The following PAPPA2 variants were observed in gnomAD, a reference collection of about 807,000 sequenced individuals.
PAPPA2 encodes pappalysin-2.
Under a neutral mutation model 176.4 loss-of-function variants are expected in PAPPA2, and 86 were observed. The ratio of observed to expected loss-of-function variants is 0.49; its 90% CI spans 0.41 to 0.58. The LOEUF is 0.58. Among genes scored for constraint, PAPPA2 ranks in the 20% least tolerant of loss-of-function variants. The probability of loss-of-function intolerance (pLI) is 0.00; values close to 1 mark genes in which losing one functional copy is unlikely to be tolerated. For synonymous variants in PAPPA2, 809 were observed against 852.2 expected, an observed-to-expected ratio of 0.95 and a Z score of 0.88; for missense variants, 2,073 against 2,256.9, an observed-to-expected ratio of 0.92 and a Z score of 1.65.
intron 10 of PAPPA2, among the ~76,000 whole-genome samples, chr1:176,708,090 G>A (rs181533085): frequency 4.6e-5 from 7 of 152,206 alleles, no homozygotes; most frequent in Non-Finnish European, 7.4e-5. Context: ...CATAGTGGTC[G>A]CATATTAAAT....
rs552519798 is a variant in PAPPA2, at chr1:176,531,218, C to T, written c.-916-24189C>T. On this transcript the variant is annotated intron_variant, in intron 1 of 22. Coordinates refer to ENST00000367662, the MANE Select transcript of PAPPA2 (RefSeq NM_020318.3). ...ATCCAACTTGGATTCTGCCTGTTTC[C>T]AGTAGCTCTTCATTAATGTTGATGT... 2.0e-5 allele frequency among the ~76,000 whole-genome samples: 3 copies of T among 152,308 alleles called. No homozygotes were observed. In the South Asian group the frequency reaches 6.2e-4, roughly 32 times the overall value.
At position 176,557,009 on chromosome 1, in the gene PAPPA2, C is replaced by T; in HGVS notation, c.687C>T (p.His229=). The T allele has an allele frequency of 6.2e-7, 1 of 1,614,020 alleles. No homozygotes were observed. Among genetic ancestry groups the T allele is most frequent in the East Asian group, 2.2e-5 (1 of 44,858 alleles). The change falls in exon 2 of 23, where the codon CAC becomes CAT. Residue 229 remains histidine, a synonymous_variant. Transcript: ENST00000367662. ...CTTGGCCCAAGCATTCCCTTAAACA[C>T]AGGGTCAAAAAGAGTCCACCGGAGG... ...FQPWPKHSLK[H]RVKKSPPEES...
chr1:176,551,431 G>A (rs534346736), intron 1 of PAPPA2, among the ~76,000 whole-genome samples: 10 of 152,218 alleles, frequency 6.6e-5, no homozygotes, highest in African/African-American at 2.4e-4. Context: ...TTCCTTCAAG[G>A]GATCAGATTT....
At chr1:176,692,362 T>C in intron 6 of PAPPA2, 44 bp downstream of exon 6, 1 of 1,517,134 alleles carries the variant, frequency 6.6e-7, no homozygotes. Context: ...TATTTCTCTG[T>C]GGCATTTCAT....
chr1:176,522,276 T>C (rs1229957190), intron 1 of PAPPA2, among the ~76,000 whole-genome samples: 2 of 152,232 alleles, frequency 1.3e-5, no homozygotes, highest in Admixed American at 6.5e-5. Context: ...CAAATTGAAA[T>C]TGAGACTATC....
At chr1:176,606,011 T>C (rs539692220) in intron 3 of PAPPA2, among the ~76,000 whole-genome samples, 1 of 152,206 alleles carries the variant, frequency 6.6e-6, no homozygotes, top group African/African-American at 2.4e-5. Flanking sequence ...AACTCAAATA[T>C]GCTAGGCTAT....
At chr1:176,616,484 A>C in intron 3 of PAPPA2, 1 of 806,930 alleles carries the variant, frequency 1.2e-6, no homozygotes, top group Non-Finnish European at 2.0e-6. Flanking sequence ...CAATGCAATT[A>C]ACAGCAATAT....
At chr1:176,565,748 T>G (rs115334119) in intron 2 of PAPPA2, among the ~76,000 whole-genome samples, 121 of 152,278 alleles carry the variant, frequency 7.9e-4, no homozygotes, top group African/African-American at 2.8e-3. Context: ...GTTTGGCCAC[T>G]GTTAGCATCT....
intron 2 of PAPPA2, among the ~76,000 whole-genome samples, chr1:176,562,639 C>T (rs1196818113): frequency 1.3e-5 from 2 of 152,228 alleles, no homozygotes; most frequent in Non-Finnish European, 1.5e-5. Context: ...GTCATGGCCA[C>T]CTGCCCTAAG....
chr1:176,770,882 T>C, intron 16 of PAPPA2, 85 bp from the exon 17 acceptor site: 1 of 1,309,552 alleles, frequency 7.6e-7, no homozygotes, highest in Non-Finnish European at 1.1e-6. Context: ...CACCAGTAAG[T>C]TCAGAGGTTT....
intron 21 of PAPPA2, among the ~76,000 whole-genome samples, chr1:176,839,494 T>C (rs899953204): frequency 6.6e-6 from 1 of 152,128 alleles, no homozygotes; most frequent in African/African-American, 2.4e-5. Flanking sequence ...TTTCTGTGCA[T>C]GAGTTGGCTG....
At chr1:176,623,720 TTCTTTC>T (rs773774120) in intron 3 of PAPPA2, among the ~76,000 whole-genome samples, 53 of 133,316 alleles carry the variant, frequency 4.0e-4, no homozygotes, top group South Asian at 7.8e-4. Context: ...TCTTCTTTCT[TTCTTTC>T]TCTTTCTTTC....
chr1:176,835,986 G>T (rs947323281), intron 21 of PAPPA2, among the ~76,000 whole-genome samples: 1 of 152,088 alleles, frequency 6.6e-6, no homozygotes, highest in Non-Finnish European at 1.5e-5. Flanking sequence ...GGATATGTGG[G>T]CACAATAAGG....
At chr1:176,530,207 G>A (rs1254416124) in intron 1 of PAPPA2, among the ~76,000 whole-genome samples, 1 of 152,178 alleles carries the variant, frequency 6.6e-6, no homozygotes, top group Non-Finnish European at 1.5e-5. Context: ...CATTTGGAAT[G>A]GCCAAACCTA....
chr1:176,501,256 T>G (rs1349445707), intron 1 of PAPPA2, among the ~76,000 whole-genome samples: 1 of 152,112 alleles, frequency 6.6e-6, no homozygotes, highest in African/African-American at 2.4e-5. Flanking sequence ...TAAAAGTTAG[T>G]GGCTTCTGAT....
chr1:176,725,699 C>T, intron 12 of PAPPA2, among the ~76,000 whole-genome samples: 1 of 152,214 alleles, frequency 6.6e-6, no homozygotes, highest in East Asian at 1.9e-4. Flanking sequence ...TACACACACA[C>T]GCACGCGCGC....
intron 1 of PAPPA2, among the ~76,000 whole-genome samples, chr1:176,525,287 A>G (rs1306016916): frequency 6.6e-6 from 1 of 152,182 alleles, no homozygotes; most frequent in African/African-American, 2.4e-5. Flanking sequence ...GACCAGTTCC[A>G]TATCTTCATT....
intron 14 of PAPPA2, among the ~76,000 whole-genome samples, chr1:176,748,547 G>C (rs1341804148): frequency 1.3e-5 from 2 of 151,926 alleles, no homozygotes; most frequent in Non-Finnish European, 2.9e-5. Flanking sequence ...GGCTCAACTG[G>C]TATTTTTATA....
intron 1 of PAPPA2, among the ~76,000 whole-genome samples, chr1:176,494,648 A>G (rs1228309807): frequency 6.6e-6 from 1 of 152,186 alleles, no homozygotes; most frequent in Non-Finnish European, 1.5e-5. Context: ...GGCTATAGAC[A>G]TGTGAGAGCT....
Sources: allele counts gnomAD v4.1 joint callset (sites outside exome capture counted in the v4.1 genomes callset), GRCh38; gene constraint gnomAD v4.1.1; transcripts MANE v1.5; gene names NCBI Gene and HGNC (gene_info 2026-07-23, HGNC 2026-07-21).